The following KCNQ3 variants were observed in gnomAD, a reference collection of about 807,000 sequenced individuals.
KCNQ3 encodes potassium voltage-gated channel subfamily KQT member 3.
In KCNQ3, 30 loss-of-function variants were observed where a neutral mutation model predicts 92.5. That is an observed-to-expected ratio of 0.32 (90% CI 0.24 to 0.44). KCNQ3 has a LOEUF of 0.44. Among genes scored for constraint, KCNQ3 ranks in the 20% least tolerant of loss-of-function variants. The pLI is 1.00. For synonymous variants in KCNQ3, 450 were observed against 468.8 expected (o/e 0.96, Z 0.52); for missense variants, 913 against 1,140.3 (o/e 0.80, Z 2.87).
rs768179961 is a variant in KCNQ3, at chr8:132,399,039, G to C, written c.386+81108C>G. ...GTCAAGTGCCTTTGAGACAGGCATC[G>C]TAAAAGTCCACCAACAAAATAGGAA... On this transcript the variant is annotated intron_variant, in intron 1 of 14. Transcript: ENST00000388996. 2.0e-5 allele frequency among the ~76,000 whole-genome samples: 3 copies of C among 152,156 alleles called. No homozygotes were observed. In the East Asian group the frequency reaches 5.8e-4, roughly 29 times the overall value.
chr8:132,197,715 G>T (rs1434094524), intron 1 of KCNQ3, among the ~76,000 whole-genome samples: 1 of 152,206 alleles, frequency 6.6e-6, no homozygotes, highest in Non-Finnish European at 1.5e-5. Flanking sequence ...TATGTATCAG[G>T]CATGCTACGG....
intron 1 of KCNQ3, among the ~76,000 whole-genome samples, chr8:132,304,572 AAAGTT>A (rs1817357785): frequency 6.6e-6 from 1 of 152,210 alleles, no homozygotes; most frequent in Non-Finnish European, 1.5e-5. Context: ...TAAATTAATT[AAAGTT>A]AAGTAAAATT....
chr8:132,365,492 G>A (rs1201389817), intron 1 of KCNQ3, among the ~76,000 whole-genome samples: 1 of 152,162 alleles, frequency 6.6e-6, no homozygotes, highest in Non-Finnish European at 1.5e-5. Context: ...GAGGGGATGA[G>A]GACTGAGGAT....
rs181653972 is a variant in KCNQ3, at chr8:132,467,695, G to A, written c.386+12452C>T. ...CAATAAGAAAATGTGGCCCTGAGTG[G>A]TAACTCATCTTGCCCTTGAAAGAAA... is the stretch of plus-strand genomic sequence containing the variant. On this transcript the variant is annotated intron_variant, in intron 1 of 14. Coordinates refer to ENST00000388996, the MANE Select transcript of KCNQ3 (RefSeq NM_004519.4). Among the ~76,000 whole-genome samples the A allele has an allele frequency of 6.6e-5, 10 of 152,318 alleles. No individual in the cohort carries two copies. In the East Asian group the frequency reaches 1.5e-3, roughly 24 times the overall value.
Position 132,129,163 on chromosome 8 carries a change from C to T in KCNQ3, c.*99G>A. On this transcript the variant is annotated 3_prime_UTR_variant, in exon 15 of 15. Coordinates refer to ENST00000388996, the MANE Select transcript of KCNQ3 (RefSeq NM_004519.4). This position sits in a 1 kb window ranked among gnomAD's most constrained non-coding sequence, Gnocchi z 5.9. ...ACCACGCACACGCATGCATTTGATG[C>T]AGCCATTGGTGTCCCCGCTGGTAAG... The T allele has an allele frequency of 1.4e-6, 2 of 1,428,828 alleles. No individual in the cohort carries two copies. The highest frequency in any genetic ancestry group is 1.9e-6 in the Non-Finnish European group (2 of 1,040,692). 88.5% of individuals were successfully genotyped at this position (1,428,828 alleles called of 1,614,324 possible).
rs1465176244 is a variant in KCNQ3 at position 132,129,733 on chromosome 8, G to T, written c.2148C>A (p.Asp716Glu). The T allele has an allele frequency of 2.5e-6, 4 of 1,614,162 alleles. No homozygotes were observed. The East Asian group carries it at 6.7e-5, about 27-fold the overall frequency. ...GTCCCCCTCGGGGCAGGTTCACAGG[G>T]TCATGTGCAAAAAACCCATAGGGGC... ...KVSPYGFFAH[D>E]PVNLPRGGPS... Residue 716 changes from aspartate (D) to glutamate (E), a missense_variant, in exon 15 of 15, where the codon GAC becomes GAA. Physicochemically the swap from Asp to Glu is conservative, Grantham distance 45 (BLOSUM62 2). Around this residue, in one of 6 missense-constraint regions of KCNQ3, gnomAD observed 375 missense variants for 376.4 expected, o/e 1.00. Transcript: ENST00000388996. The surrounding 1 kb of genome is among the most constrained non-coding windows in gnomAD (Gnocchi z 5.9).
intron 1 of KCNQ3, among the ~76,000 whole-genome samples, chr8:132,192,401 G>T (rs1314874640): frequency 6.6e-6 from 1 of 152,210 alleles, no homozygotes; most frequent in Non-Finnish European, 1.5e-5. Context: ...CTTAATTTCA[G>T]ACGGAGACCA....
At chr8:132,464,566 C>T (rs897676787) in intron 1 of KCNQ3, among the ~76,000 whole-genome samples, 2 of 152,218 alleles carry the variant, frequency 1.3e-5, no homozygotes, top group African/African-American at 4.8e-5. Flanking sequence ...CTTTGTATCA[C>T]TTTCAGCAAC....
intron 1 of KCNQ3, among the ~76,000 whole-genome samples, chr8:132,411,193 A>G (rs1326236496): frequency 6.6e-6 from 1 of 152,174 alleles, no homozygotes; most frequent in African/African-American, 2.4e-5. Flanking sequence ...TTTAAGAGAA[A>G]TTGTTTGGCA....
intron 1 of KCNQ3, among the ~76,000 whole-genome samples, chr8:132,468,832 C>T (rs887340098): frequency 6.6e-6 from 1 of 152,244 alleles, no homozygotes; most frequent in South Asian, 2.1e-4. Context: ...CCAGAGCCCA[C>T]GTATGGGATA....
In KCNQ3 at chr8:132,240,914, A is replaced by T. The variant is rs984795728; in HGVS notation, c.387-54733T>A. On this transcript the variant is annotated intron_variant, in intron 1 of 14. Transcript: ENST00000388996. ...ATTTTTTTTTTTCTTTTTGAGACAG[A>T]GTCTTGTTCTCTCACCCAGGCTGGA... 6.0e-5 allele frequency among the ~76,000 whole-genome samples: 9 copies of T among 150,990 alleles called. No homozygotes were observed. In the South Asian group the frequency reaches 1.3e-3, roughly 21 times the overall value.
intron 1 of KCNQ3, among the ~76,000 whole-genome samples, chr8:132,377,603 G>A (rs1241272381): frequency 6.6e-6 from 1 of 152,132 alleles, no homozygotes; most frequent in African/African-American, 2.4e-5. Flanking sequence ...TCTAGCTCTG[G>A]CTGAGACTAT....
intron 1 of KCNQ3, among the ~76,000 whole-genome samples, chr8:132,467,623 C>T (rs572559709): frequency 2.0e-5 from 3 of 152,214 alleles, no homozygotes. Context: ...CCTGCGTTTA[C>T]TCCTCCTACT....
intron 1 of KCNQ3, among the ~76,000 whole-genome samples, chr8:132,463,663 T>C (rs1465501463): frequency 6.6e-6 from 1 of 152,216 alleles, no homozygotes; most frequent in East Asian, 1.9e-4. Context: ...GCAAATCTTT[T>C]CTTCTACACT....
At chr8:132,267,376 G>C (rs986682773) in intron 1 of KCNQ3, among the ~76,000 whole-genome samples, 1 of 152,104 alleles carries the variant, frequency 6.6e-6, no homozygotes, top group African/African-American at 2.4e-5. Context: ...TCTGTGCCAG[G>C]CACTATTTAA....
intron 9 of KCNQ3, among the ~76,000 whole-genome samples, chr8:132,149,769 T>C (rs1482676644): frequency 6.6e-6 from 1 of 152,066 alleles, no homozygotes; most frequent in East Asian, 1.9e-4. Context: ...GTGTGCCTCA[T>C]GTGTGTGCAG....
chr8:132,237,825 A>C (rs1439169137), intron 1 of KCNQ3, among the ~76,000 whole-genome samples: 1 of 152,212 alleles, frequency 6.6e-6, no homozygotes, highest in Admixed American at 6.5e-5. Flanking sequence ...AAAAACAAGA[A>C]CAAAACAAAA....
In KCNQ3 at chr8:132,340,246, C is replaced by G. The variant is rs142748284; in HGVS notation, c.386+139901G>C. ...GAACCAGAAATACTATTTGACCCAG[C>G]CATCCCATTACTGGTTGTATGCCCA... On this transcript the variant is annotated intron_variant, in intron 1 of 14. Transcript: ENST00000388996. Among the ~76,000 whole-genome samples, 1,093 of 152,274 alleles carry G rather than the reference C, an allele frequency of 7.2e-3. 15 individuals are homozygous for G. The highest frequency in any genetic ancestry group is 0.019 in the African/African-American group (786 of 41,530).
intron 1 of KCNQ3, among the ~76,000 whole-genome samples, chr8:132,211,297 C>T (rs957739803): frequency 2.6e-5 from 4 of 152,352 alleles, no homozygotes; most frequent in East Asian, 3.9e-4. Context: ...GGTTAGATTA[C>T]ACCCTTCCAG....
Sources: gnomAD v4.1 joint callset for allele counts (sites outside exome capture counted in the v4.1 genomes callset) on GRCh38, gnomAD v4.1.1 for gene constraint, gnomAD v4.1.1 regional missense constraint, Gnocchi (gnomAD v3.1) non-coding constraint, MANE v1.5 for transcripts, NCBI Gene and HGNC (gene_info 2026-07-23, HGNC 2026-07-21) for gene names.